The following FTO variants were observed in gnomAD, a reference collection of about 807,000 sequenced individuals.
The protein encoded by FTO is alpha-ketoglutarate-dependent dioxygenase FTO.
A neutral mutation model predicts 63.9 loss-of-function variants in FTO; 47 were observed. The ratio of observed to expected loss-of-function variants is 0.74; its 90% confidence interval spans 0.58 to 0.94. The LOEUF is 0.94. FTO is among the 40% of genes least tolerant of loss of function. FTO has a pLI of 0.00. For synonymous variants in FTO, 207 were observed against 224.4 expected (o/e 0.92, Z 0.69); for missense variants, 562 against 618.1 (o/e 0.91, Z 0.96).
rs4783820 is a variant in FTO at position 53,782,872 on chromosome 16, T to A, written c.46-27268T>A. Among the ~76,000 whole-genome samples the A allele has an allele frequency of 0.037, 5,670 of 152,280 alleles. 486 individuals carry two copies. In the East Asian group the frequency reaches 0.4, roughly 11 times the overall value. On this transcript the variant is annotated intron_variant, in intron 1 of 8. Coordinates refer to ENST00000471389, the MANE Select transcript of FTO (RefSeq NM_001080432.3). The stretch of plus-strand genomic sequence containing the variant: ...TCTCTTCCTCCATTCTCCCAAAATG[T>A]AAACCCCATAAGAACAGGAATCTTG...
At chr16:53,950,148 A>C (rs1364391674) in intron 8 of FTO, among the ~76,000 whole-genome samples, 1 of 123,756 alleles carries the variant, frequency 8.1e-6, no homozygotes, top group African/African-American at 3.7e-5. Context: ...AAAGATATTC[A>C]CATTTGTAAA....
chr16:53,853,529 T>A (rs1218596727), intron 4 of FTO, among the ~76,000 whole-genome samples: 4 of 152,118 alleles, frequency 2.6e-5, no homozygotes, highest in African/African-American at 9.7e-5. Context: ...TACACCTTCA[T>A]GTGCCCATAG....
At chr16:54,004,495 A>G (rs757326184) in intron 8 of FTO, among the ~76,000 whole-genome samples, 4 of 152,300 alleles carry the variant, frequency 2.6e-5, no homozygotes, top group Non-Finnish European at 4.4e-5. Context: ...GGAAAAAAAT[A>G]TCTTTCAAAT....
At chr16:53,899,957 A>G (rs2081361694) in intron 7 of FTO, among the ~76,000 whole-genome samples, 1 of 152,226 alleles carries the variant, frequency 6.6e-6, no homozygotes, top group African/African-American at 2.4e-5. Context: ...AGCCTTATAA[A>G]AGATTTTGAT....
chr16:53,720,153 TA>T (rs1279840536), intron 1 of FTO, among the ~76,000 whole-genome samples: 1 of 152,074 alleles, frequency 6.6e-6, no homozygotes, highest in African/African-American at 2.4e-5. Context: ...ACATTCCAAC[TA>T]CCAGTGCACA....
intron 1 of FTO, among the ~76,000 whole-genome samples, chr16:53,718,625 A>G (rs1215383320): frequency 6.6e-6 from 1 of 152,000 alleles, no homozygotes; most frequent in Non-Finnish European, 1.5e-5. Context: ...GTAAAGTGGT[A>G]GTTGTTGGCA....
At chr16:53,716,092 G>A (rs1484464016) in intron 1 of FTO, among the ~76,000 whole-genome samples, 2 of 152,176 alleles carry the variant, frequency 1.3e-5, no homozygotes, top group African/African-American at 4.8e-5. Flanking sequence ...AGTAAAATCA[G>A]CCTCATTGGT....
intron 8 of FTO, among the ~76,000 whole-genome samples, chr16:54,014,881 G>T (rs2084402682): frequency 7.7e-6 from 1 of 129,632 alleles, no homozygotes; most frequent in Non-Finnish European, 1.6e-5. Context: ...TTTGAGATGG[G>T]GTCTTGCCCT....
intron 4 of FTO, among the ~76,000 whole-genome samples, chr16:53,857,273 TC>T (rs1435847902): frequency 6.6e-6 from 1 of 152,118 alleles, no homozygotes; most frequent in Non-Finnish European, 1.5e-5. Context: ...TGTCTGTTGT[TC>T]CTTTCTTTGT....
chr16:53,872,595 T>C (rs1449733246), intron 4 of FTO, among the ~76,000 whole-genome samples: 3 of 152,222 alleles, frequency 2.0e-5, no homozygotes, highest in African/African-American at 7.2e-5. Flanking sequence ...TGATTCATAT[T>C]TTTGGCTTGT....
intron 8 of FTO, among the ~76,000 whole-genome samples, chr16:53,936,788 T>C (rs997084063): frequency 6.6e-6 from 1 of 152,228 alleles, no homozygotes; most frequent in Admixed American, 6.5e-5. Flanking sequence ...CTAATTACCT[T>C]ATATTGCACA....
At chr16:54,098,561 C>T (rs1387651095) in intron 8 of FTO, among the ~76,000 whole-genome samples, 1 of 152,198 alleles carries the variant, frequency 6.6e-6, no homozygotes, top group East Asian at 1.9e-4. Context: ...GCCTTTTATT[C>T]TGTAAGCCAT....
intron 7 of FTO, among the ~76,000 whole-genome samples, chr16:53,921,675 T>C (rs2082010489): frequency 6.6e-6 from 1 of 152,170 alleles, no homozygotes; most frequent in African/African-American, 2.4e-5. Flanking sequence ...GTCATTCTAG[T>C]ATTAATTATG....
In FTO at chr16:53,879,996, T is replaced by C. The variant is rs984856672; in HGVS notation, c.1119+9T>C. 2.2e-5 allele frequency: 35 copies of C among 1,607,820 alleles called. No homozygotes were observed. Among genetic ancestry groups the C allele is most frequent in the Admixed American group, 6.7e-5 (4 of 59,740 alleles). On this transcript the variant is annotated intron_variant, in intron 6 of 8. Coordinates refer to ENST00000471389, the MANE Select transcript of FTO (RefSeq NM_001080432.3). ...AAGAAATTCATAATGAGGTAAGGAC[T>C]TTCTTTTTTTTTTTTTGAGATGGAG...
rs1388384491 is a variant in FTO at position 53,704,217 on chromosome 16, G to T, written c.33G>T (p.Glu11Asp). Residue 11 changes from glutamate (E) to aspartate (D), a missense_variant, in exon 1 of 9, where the codon GAG becomes GAT. Physicochemically the swap from Glu to Asp is conservative, Grantham distance 45 (BLOSUM62 2). Transcript: ENST00000471389. Reference sequence around the variant, plus strand: ...GCACCCCGACTGCCGAGGAACGAGAGCGCGAAGCTAAGGTATGTCGGGCTC... The same window carrying T: ...GCACCCCGACTGCCGAGGAACGAGATCGCGAAGCTAAGGTATGTCGGGCTC... MKRTPTAEER[E>D]REAKKLRLLE... 6.4e-7 allele frequency: 1 copy of T among 1,551,422 alleles called. No individual in the cohort carries two copies. The highest frequency in any genetic ancestry group is 1.4e-5 in the African/African-American group (1 of 73,064).
chr16:53,948,403 G>A (rs2082698222), intron 8 of FTO, among the ~76,000 whole-genome samples: 1 of 152,250 alleles, frequency 6.6e-6, no homozygotes, highest in Non-Finnish European at 1.5e-5. Flanking sequence ...AATCATGTAT[G>A]TAGATAAAGC....
chr16:53,780,221 C>T (rs1420499807), intron 1 of FTO, among the ~76,000 whole-genome samples: 1 of 152,116 alleles, frequency 6.6e-6, no homozygotes, highest in East Asian at 1.9e-4. Flanking sequence ...TCCAGACTCA[C>T]TGGCTTGCTT....
At chr16:53,800,325 ATTATT>A (rs2151711053) in intron 1 of FTO, among the ~76,000 whole-genome samples, 1 of 152,294 alleles carries the variant, frequency 6.6e-6, no homozygotes, top group South Asian at 2.1e-4. Context: ...TATATCTGTT[ATTATT>A]TTAAGTTTAA....
intron 4 of FTO, among the ~76,000 whole-genome samples, chr16:53,867,685 A>C (rs986576909): frequency 2.6e-5 from 4 of 152,080 alleles, no homozygotes; most frequent in Admixed American, 1.3e-4. Flanking sequence ...GTTGAATGAA[A>C]TAGTCTATGT....
Sources: gnomAD v4.1 joint callset for allele counts (sites outside exome capture counted in the v4.1 genomes callset) on GRCh38, gnomAD v4.1.1 for gene constraint, MANE v1.5 for transcripts, NCBI Gene and HGNC (gene_info 2026-07-23, HGNC 2026-07-21) for gene names.